The following MYRF variants were observed in gnomAD, a reference collection of about 807,000 sequenced individuals.
The protein encoded by MYRF is myelin gene regulatory factor.
MYRF carries 16 observed loss-of-function variants against 126.3 expected under a neutral mutation model. That is an observed-to-expected ratio of 0.13 (90% CI 0.09 to 0.19). MYRF has a LOEUF of 0.19. Ranked by LOEUF, MYRF falls within the 10% of genes least tolerant of loss-of-function variation. The probability of loss-of-function intolerance (pLI) is 1.00; values close to 1 mark genes in which losing one functional copy is unlikely to be tolerated. For synonymous variants in MYRF, 608 were observed against 635.3 expected (o/e 0.96, Z 0.65); for missense variants, 1,104 against 1,547.0 (o/e 0.71, Z 4.80).
At position 61,760,160 on chromosome 11, in the gene MYRF, C is replaced by T. The variant is rs558874584; in HGVS notation, c.47-5465C>T. On this transcript the variant is annotated intron_variant, in intron 1 of 26. Transcript: ENST00000278836. ...ATTTTTGTATTTTTAGGAGAGACAGCGTTTCACCATGTTGATCAAGCTGGT... is the reference window on the plus strand; with the variant it reads ...ATTTTTGTATTTTTAGGAGAGACAGTGTTTCACCATGTTGATCAAGCTGGT... Among the ~76,000 whole-genome samples the T allele has an allele frequency of 9.1e-4, 139 of 152,104 alleles. 1 individual carries two copies. The Middle Eastern group carries it at 0.017, about 19-fold the overall frequency.
chr11:61,764,977 T>A (rs1469147779), intron 1 of MYRF, among the ~76,000 whole-genome samples: 1 of 152,200 alleles, frequency 6.6e-6, no homozygotes, highest in Non-Finnish European at 1.5e-5. Flanking sequence ...GATGGGCATA[T>A]CCAATGAGGG....
chr11:61,771,244 A>G (rs12293135), intron 5 of MYRF, among the ~76,000 whole-genome samples: 67 of 152,350 alleles, frequency 4.4e-4, no homozygotes, highest in African/African-American at 1.5e-3. Context: ...GTTGCTGGGC[A>G]TGATGGAGAC....
chr11:61,781,074 C>T, intron 20 of MYRF, 29 bp downstream of exon 20: 4 of 1,610,626 alleles, frequency 2.5e-6, no homozygotes, highest in Non-Finnish European at 3.4e-6. Flanking sequence ...CTGGGTAGGA[C>T]AGGGAGGTTG....
At position 61,784,135 on chromosome 11, in the gene MYRF, G is replaced by T. The variant is rs181974867; in HGVS notation, c.3195-145G>T. On this transcript the variant is annotated intron_variant, in intron 24 of 26. Coordinates refer to ENST00000278836, the MANE Select transcript of MYRF (RefSeq NM_001127392.3). ...GAGGACCACATGGGATGGTCGATGGGAAAGGTTTTGTTCGAGGGCCCTGGT... is the reference window on the plus strand; with the variant it reads ...GAGGACCACATGGGATGGTCGATGGTAAAGGTTTTGTTCGAGGGCCCTGGT... 7.0e-5 allele frequency: 69 copies of T among 980,326 alleles called. 1 individual carries two copies. Among genetic ancestry groups the T allele is most frequent in the Non-Finnish European group, 7.6e-6 (5 of 658,216 alleles). The allele number at this position is 980,326 out of a possible 1,614,324, so 60.7% of individuals were successfully genotyped here.
At position 61,778,354 on chromosome 11, in the gene MYRF, A is replaced by C; in HGVS notation, c.1904-26A>C. ...GTAGCCCTTTACCACCCCCCCACCC[A>C]TCTTTGGCTTGTCCCCTGCCCCCAG... is the stretch of plus-strand genomic sequence containing the variant. On this transcript the variant is annotated intron_variant, in intron 13 of 26. Transcript: ENST00000278836. This position sits in a 1 kb window ranked among gnomAD's most constrained non-coding sequence, Gnocchi z 4.6. 7 of 1,433,412 alleles carry C rather than the reference A, an allele frequency of 4.9e-6. No homozygotes were observed. Among genetic ancestry groups the C allele is most frequent in the Non-Finnish European group, 6.9e-6 (7 of 1,016,066 alleles). The allele number at this position is 1,433,412 out of a possible 1,614,324, so 88.8% of individuals were successfully genotyped here.
intron 3 of MYRF, chr11:61,767,425 G>A (rs1178533975): frequency 2.2e-6 from 1 of 456,460 alleles, no homozygotes; most frequent in Non-Finnish European, 4.4e-6. Context: ...ATGGCACACT[G>A]AGGCTCAGAG....
intron 1 of MYRF, among the ~76,000 whole-genome samples, chr11:61,754,998 C>T (rs1442493679): frequency 6.6e-6 from 1 of 152,196 alleles, no homozygotes; most frequent in Non-Finnish European, 1.5e-5. Flanking sequence ...TGAGCCGTGG[C>T]TGCGTCACTC....
chr11:61,774,961 C>G (rs1458802510), intron 8 of MYRF, among the ~76,000 whole-genome samples: 1 of 152,198 alleles, frequency 6.6e-6, no homozygotes, highest in Non-Finnish European at 1.5e-5. Flanking sequence ...CTGGGCTCCC[C>G]TCTCAGGGAA....
At position 61,777,575 on chromosome 11, in the gene MYRF, A is replaced by G; in HGVS notation, c.1791+111A>G. 7.2e-7 allele frequency: 1 copy of G among 1,396,904 alleles called. No homozygotes were observed. Among genetic ancestry groups the G allele is most frequent in the Non-Finnish European group, 9.8e-7 (1 of 1,023,324 alleles). 86.5% of individuals were successfully genotyped at this position (1,396,904 alleles called of 1,614,324 possible). A position where few individuals can be genotyped will look rare whatever the true frequency, so the allele number is the denominator to read the frequency against. ...CGCGGAAAGGCGGAGCTGCGGGGGAAGGAAGGGAGGGAGGCTGGCCTCGAA... is the reference window on the plus strand; with the variant it reads ...CGCGGAAAGGCGGAGCTGCGGGGGAGGGAAGGGAGGGAGGCTGGCCTCGAA... On this transcript the variant is annotated intron_variant, in intron 12 of 26. Coordinates refer to ENST00000278836, the MANE Select transcript of MYRF (RefSeq NM_001127392.3). The surrounding 1 kb of genome is among the most constrained non-coding windows in gnomAD (Gnocchi z 8.8).
At chr11:61,779,978 C>A in intron 17 of MYRF, 48 bp downstream of exon 17, 1 of 1,540,256 alleles carries the variant, frequency 6.5e-7, no homozygotes, top group Non-Finnish European at 8.9e-7. Flanking sequence ...GGGAGTGGAG[C>A]TGCCCAGTGG....
In MYRF at chr11:61,777,745, C is replaced by G; in HGVS notation, c.1803C>G (p.Thr601=). The part of the protein sequence containing the change: ...AKEHVQEVDT[T]EQLKRISRMR... ...CTGGCTCCCCGCAGGTGGACACCAC[C>G]GAGCAATTGAAGAGGATCTCGCGCA... Residue 601 remains threonine, a synonymous_variant, in exon 13 of 27, where the codon ACC becomes ACG. Coordinates refer to ENST00000278836, the MANE Select transcript of MYRF (RefSeq NM_001127392.3). The surrounding 1 kb of genome is among the most constrained non-coding windows in gnomAD (Gnocchi z 8.8). 6.4e-7 allele frequency: 1 copy of G among 1,551,060 alleles called. No homozygotes were observed. The highest frequency in any genetic ancestry group is 8.7e-7 in the Non-Finnish European group (1 of 1,146,508).
At chr11:61,774,877 C>T (rs1000736421) in intron 8 of MYRF, among the ~76,000 whole-genome samples, 1 of 152,132 alleles carries the variant, frequency 6.6e-6, no homozygotes, top group African/African-American at 2.4e-5. Context: ...AGTCAAGACC[C>T]ATCTCCTGGG....
chr11:61,765,683 G>A lies in MYRF; in HGVS notation c.105G>A (p.Glu35=). Residue 35 remains glutamate (E), a synonymous_variant, in exon 2 of 27, where the codon GAG becomes GAA. Transcript: ENST00000278836. ...ACATAGACACCAGCATCCTGGAGGA[G>A]TACATCAGCAAGGAGGATGCCTCCG... ...PSNIDTSILE[E]YISKEDASDL... 2 of 1,613,022 alleles carry A rather than the reference G, an allele frequency of 1.2e-6. No individual in the cohort carries two copies. The highest frequency in any genetic ancestry group is 1.7e-6 in the Non-Finnish European group (2 of 1,179,862).
At position 61,778,845 on chromosome 11, in the gene MYRF, T is replaced by C; in HGVS notation, c.2013+356T>C. 1 of 547,284 alleles carries C rather than the reference T, an allele frequency of 1.8e-6. No individual in the cohort carries two copies. Among genetic ancestry groups the C allele is most frequent in the Non-Finnish European group, 3.5e-6 (1 of 286,176 alleles). 33.9% of individuals were successfully genotyped at this position (547,284 alleles called of 1,614,324 possible). ...TGGTTTATTGTGAGGACGACGTTTG[T>C]CACTTACCTGTCCTGAGTCTGGGCG... On this transcript the variant is annotated intron_variant, in intron 14 of 26. Transcript: ENST00000278836. This position sits in a 1 kb window ranked among gnomAD's most constrained non-coding sequence, Gnocchi z 4.6.
At chr11:61,775,955 T>A in intron 8 of MYRF, 101 bp from the exon 9 acceptor site, 1 of 1,109,476 alleles carries the variant, frequency 9.0e-7, no homozygotes, top group Non-Finnish European at 1.4e-6. Flanking sequence ...CCCTGTTTCC[T>A]GGTGAGCTCT....
chr11:61,770,216 C>T lies in MYRF; in HGVS notation c.461-30C>T, dbSNP rs370021243. 1.3e-4 allele frequency: 196 copies of T among 1,560,626 alleles called. No homozygotes were observed. In the African/African-American group the frequency reaches 2.2e-3, roughly 18 times the overall value. ...CCAGGAGCCTGAGTGAGGTTGGTCT[C>T]AGATGCCCGCTCCCCCATCTCTCCT... is the stretch of plus-strand genomic sequence containing the variant. On this transcript the variant is annotated intron_variant, in intron 4 of 26. Coordinates refer to ENST00000278836, the MANE Select transcript of MYRF (RefSeq NM_001127392.3).
intron 7 of MYRF, 122 bp from the exon 8 acceptor site, chr11:61,773,845 G>T: frequency 2.6e-6 from 2 of 761,588 alleles, no homozygotes; most frequent in Non-Finnish European, 4.1e-6. Flanking sequence ...CAGCCGCATT[G>T]GTGGTTTGAG....
At chr11:61,785,767 G>A (rs772244463) in intron 25 of MYRF, 33 bp from the exon 26 acceptor site, 1 of 1,587,390 alleles carries the variant, frequency 6.3e-7, no homozygotes. Flanking sequence ...AAGGGCAGCA[G>A]TCTGTCCTGA....
Position 61,787,943 on chromosome 11 carries a change from C to T in MYRF, c.*1800C>T, listed in dbSNP as rs1257804720. 1 of 152,788 alleles carries T rather than the reference C, an allele frequency of 6.5e-6. No individual in the cohort carries two copies. The highest frequency in any genetic ancestry group is 2.4e-5 in the African/African-American group (1 of 41,438). 9.5% of individuals were successfully genotyped at this position (152,788 alleles called of 1,614,324 possible). A position where few individuals can be genotyped will look rare whatever the true frequency, so the allele number is the denominator to read the frequency against. On this transcript the variant is annotated 3_prime_UTR_variant, in exon 27 of 27. Transcript: ENST00000278836. Reference sequence around the variant, plus strand: ...ATCTGGACACAGCACAGCCCCAAAACCGTTAGCAGCTGGCTCTGTTTCCAA... The same window carrying T: ...ATCTGGACACAGCACAGCCCCAAAATCGTTAGCAGCTGGCTCTGTTTCCAA...
Sources: allele counts gnomAD v4.1 joint callset (sites outside exome capture counted in the v4.1 genomes callset), GRCh38; gene constraint gnomAD v4.1.1; non-coding constraint Gnocchi (gnomAD v3.1); transcripts MANE v1.5; gene names NCBI Gene and HGNC (gene_info 2026-07-23, HGNC 2026-07-21).